The following PLCB4 variants were observed in gnomAD, a reference collection of about 807,000 sequenced individuals.
PLCB4 encodes 1-phosphatidylinositol 4,5-bisphosphate phosphodiesterase beta-4.
A neutral mutation model predicts 178.8 loss-of-function variants in PLCB4; 77 were observed. That is an observed-to-expected ratio of 0.43 (90% CI 0.36 to 0.52). PLCB4 has a LOEUF of 0.52. Among genes scored for constraint, PLCB4 ranks in the 20% least tolerant of loss-of-function variants. The probability of loss-of-function intolerance (pLI) is 0.00; values close to 1 mark genes in which losing one functional copy is unlikely to be tolerated. For missense variants in PLCB4, 1,024 were observed against 1,453.4 expected (o/e 0.70, Z 4.80); for synonymous variants, 496 against 490.8 (o/e 1.01, Z -0.14).
At chr20:9,145,290 T>C (rs1377627653) in intron 2 of PLCB4, among the ~76,000 whole-genome samples, 2 of 152,134 alleles carry the variant, frequency 1.3e-5, no homozygotes, top group African/African-American at 4.8e-5. Context: ...AGTGAATCCT[T>C]CACTCTCAAC....
At chr20:9,302,359 G>A (rs902037924) in intron 3 of PLCB4, among the ~76,000 whole-genome samples, 11 of 152,036 alleles carry the variant, frequency 7.2e-5, no homozygotes, top group Non-Finnish European at 1.5e-4. Context: ...CAATTATCTG[G>A]ATCAAACTGT....
At chr20:9,206,366 A>G (rs2093615889) in intron 2 of PLCB4, among the ~76,000 whole-genome samples, 1 of 149,440 alleles carries the variant, frequency 6.7e-6, no homozygotes, top group Non-Finnish European at 1.5e-5. Flanking sequence ...CTATCCACAA[A>G]AGAAACTTTT....
intron 4 of PLCB4, among the ~76,000 whole-genome samples, chr20:9,329,680 C>T (rs1468126904): frequency 6.6e-6 from 1 of 152,216 alleles, no homozygotes; most frequent in African/African-American, 2.4e-5. Context: ...AGGAGCTACA[C>T]ATGCTGTTAT....
chr20:9,238,519 C>T (rs2094019429), intron 3 of PLCB4, among the ~76,000 whole-genome samples: 1 of 152,140 alleles, frequency 6.6e-6, no homozygotes, highest in African/African-American at 2.4e-5. Flanking sequence ...CATTTGAGTC[C>T]TTTCTGATAT....
intron 7 of PLCB4, among the ~76,000 whole-genome samples, chr20:9,354,009 G>A (rs1384711531): frequency 6.6e-6 from 1 of 152,200 alleles, no homozygotes. Flanking sequence ...TCAAGCAGGA[G>A]GAGCTGTAAC....
At chr20:9,285,713 CA>C (rs1568524139) in intron 3 of PLCB4, among the ~76,000 whole-genome samples, 1 of 151,782 alleles carries the variant, frequency 6.6e-6, no homozygotes, top group Non-Finnish European at 1.5e-5. Context: ...ACAAAATAAG[CA>C]AAAAAGTTGT....
chr20:9,413,527 C>T (rs1035428419), intron 25 of PLCB4, among the ~76,000 whole-genome samples: 11 of 151,810 alleles, frequency 7.2e-5, no homozygotes, highest in African/African-American at 1.5e-4. Flanking sequence ...GGCGTGGTGG[C>T]GGGCACCTGT....
In PLCB4 at chr20:9,307,813, T is replaced by A; in HGVS notation, c.-2T>A. On this transcript the variant is annotated 5_prime_UTR_variant, in exon 4 of 40. Transcript: ENST00000378473. Reference sequence around the variant, plus strand: ...TTTCATTTTTAGGTCTTGAATATAATCATGGCCAAACCTTATGAATTTAAC... The same window carrying A: ...TTTCATTTTTAGGTCTTGAATATAAACATGGCCAAACCTTATGAATTTAAC... The A allele has an allele frequency of 6.3e-7, 1 of 1,577,030 alleles. No individual in the cohort carries two copies.
chr20:9,454,377 T>G (rs1486116956), intron 33 of PLCB4, among the ~76,000 whole-genome samples: 2 of 152,172 alleles, frequency 1.3e-5, no homozygotes, highest in South Asian at 4.1e-4. Context: ...TGGGGAAAAT[T>G]CCATGAGACC....
At chr20:9,105,672 A>G (rs1164145835) in intron 2 of PLCB4, among the ~76,000 whole-genome samples, 1 of 152,144 alleles carries the variant, frequency 6.6e-6, no homozygotes, top group East Asian at 1.9e-4. Context: ...ATGGTAATTT[A>G]GTATATGATA....
rs539125338 is a variant in PLCB4, at chr20:9,470,426, TC to T, written c.3350+1755del. 2.6e-5 allele frequency among the ~76,000 whole-genome samples: 4 copies of T among 152,268 alleles called. No individual in the cohort carries two copies. The East Asian group carries it at 7.7e-4, about 29-fold the overall frequency. ...CCTTATATACATGGAAATGACACCT[TC>T]TTCAGTTTGAAAACACCAAATATTC... On this transcript the variant is annotated intron_variant, in intron 36 of 39. Coordinates refer to ENST00000378473, the MANE Select transcript of PLCB4 (RefSeq NM_001377142.1).
chr20:9,234,254 A>G (rs71334851), intron 3 of PLCB4, among the ~76,000 whole-genome samples: 42 of 152,276 alleles, frequency 2.8e-4, no homozygotes, highest in South Asian at 1.0e-3. Flanking sequence ...AAAGCTTTGT[A>G]TGCTTATTGA....
At chr20:9,087,482 C>A (rs1221675653) in intron 1 of PLCB4, among the ~76,000 whole-genome samples, 1 of 152,000 alleles carries the variant, frequency 6.6e-6, no homozygotes, top group African/African-American at 2.4e-5. Context: ...ATTGGAACAA[C>A]CTAATTTTCA....
intron 17 of PLCB4, among the ~76,000 whole-genome samples, chr20:9,391,476 G>A (rs995932433): frequency 3.3e-5 from 5 of 152,148 alleles, no homozygotes; most frequent in African/African-American, 1.2e-4. Context: ...GAACATCACA[G>A]CAAATGACAG....
intron 2 of PLCB4, among the ~76,000 whole-genome samples, chr20:9,134,553 C>A (rs2092343610): frequency 6.6e-6 from 1 of 151,944 alleles, no homozygotes. Context: ...GGAAGGAAGC[C>A]ATTTTTTAGA....
intron 2 of PLCB4, among the ~76,000 whole-genome samples, chr20:9,172,923 T>C (rs1306982854): frequency 6.6e-6 from 1 of 152,208 alleles, no homozygotes; most frequent in East Asian, 1.9e-4. Context: ...AGCAAATTGT[T>C]TTTCTGAAAT....
rs185373868 is a variant in PLCB4 at position 9,389,085 on chromosome 20, G to A, written c.1159-794G>A. Among the ~76,000 whole-genome samples the A allele has an allele frequency of 6.6e-5, 10 of 152,216 alleles. No homozygotes were observed. The South Asian group carries it at 1.3e-3, about 19-fold the overall frequency. On this transcript the variant is annotated intron_variant, in intron 15 of 39. Coordinates refer to ENST00000378473, the MANE Select transcript of PLCB4 (RefSeq NM_001377142.1). ...GGATTTTTACCAAATATGATGCTCC[G>A]GTTGTAGAAGTGCTGGTTTGAAGCC... is the stretch of plus-strand genomic sequence containing the variant.
chr20:9,305,957 A>AT (rs1483976812), intron 3 of PLCB4, among the ~76,000 whole-genome samples: 1 of 152,136 alleles, frequency 6.6e-6, no homozygotes, highest in Non-Finnish European at 1.5e-5. Flanking sequence ...CATGAGGTAT[A>AT]TTTGGGGGTG....
intron 4 of PLCB4, among the ~76,000 whole-genome samples, chr20:9,336,831 T>G (rs111724686): frequency 6.6e-6 from 1 of 152,166 alleles, no homozygotes; most frequent in African/African-American, 2.4e-5. Context: ...TTGGGAATCC[T>G]TCTTCCAAGA....
Sources: gnomAD v4.1 joint callset for allele counts (sites outside exome capture counted in the v4.1 genomes callset) on GRCh38, gnomAD v4.1.1 for gene constraint, MANE v1.5 for transcripts, NCBI Gene and HGNC (gene_info 2026-07-23, HGNC 2026-07-21) for gene names.